The following GTF2IRD1 variants were observed in gnomAD, a reference collection of about 807,000 sequenced individuals.
GTF2IRD1 encodes general transcription factor II-I repeat domain-containing protein 1.
Under a neutral mutation model 113.2 loss-of-function variants are expected in GTF2IRD1, and 26 were observed. The observed-to-expected ratio is 0.23, with a 90% CI of 0.17 to 0.32. The LOEUF is 0.32. GTF2IRD1 is among the 10% of genes least tolerant of loss of function. The pLI is 1.00. For synonymous variants in GTF2IRD1, 484 were observed against 529.1 expected, an observed-to-expected ratio of 0.91 and a Z score of 1.17; for missense variants, 864 against 1,280.8, an observed-to-expected ratio of 0.67 and a Z score of 4.97.
chr7:74,519,810 G>A, intron 6 of GTF2IRD1, 91 bp downstream of exon 6: 1 of 917,946 alleles, frequency 1.1e-6, no homozygotes, highest in East Asian at 2.5e-5. Context: ...CAGGATGCCT[G>A]GGCCCTCTTA....
At position 74,505,772 on chromosome 7, in the gene GTF2IRD1, C is replaced by T. The variant is rs141647139; in HGVS notation, c.-6-2303C>T. ...GCCCCCAGGCAGGCAGACCTCTCAG[C>T]TGGATCTTTTATGAAGTCTGGTCGC... On this transcript the variant is annotated intron_variant, in intron 1 of 26. Coordinates refer to ENST00000424337, the MANE Select transcript of GTF2IRD1 (RefSeq NM_005685.4). 3.9e-3 allele frequency among the ~76,000 whole-genome samples: 588 copies of T among 152,308 alleles called. 6 individuals carry two copies. The highest frequency in any genetic ancestry group is 0.013 in the African/African-American group (535 of 41,580).
intron 4 of GTF2IRD1, 120 bp downstream of exon 4, chr7:74,515,716 G>A (rs1562823851): frequency 1.3e-6 from 1 of 783,240 alleles, no homozygotes; most frequent in South Asian, 1.8e-5. Context: ...GGACCCCAAG[G>A]CATGGGGCTA....
chr7:74,543,637 T>C (rs587662914), intron 14 of GTF2IRD1, among the ~76,000 whole-genome samples: 1 of 152,226 alleles, frequency 6.6e-6, no homozygotes, highest in South Asian at 2.1e-4. Flanking sequence ...CAGTGGCTCA[T>C]GTCTGTAATC....
rs921607157 is a variant in GTF2IRD1 at position 74,512,467 on chromosome 7, C to T, written c.124-363C>T. ...TTGCAGCCCCAGTCTGTCCAGTCCC[C>T]GCCTGTCCTGCAGTTCTTCCCACCT... is the stretch of plus-strand genomic sequence containing the variant. On this transcript the variant is annotated intron_variant, in intron 2 of 26. Transcript: ENST00000424337. This position sits in a 1 kb window ranked among gnomAD's most constrained non-coding sequence, Gnocchi z 4.4. Among the ~76,000 whole-genome samples, 3 of 152,152 alleles carry T rather than the reference C, an allele frequency of 2.0e-5. No individual in the cohort carries two copies. Among genetic ancestry groups the T allele is most frequent in the Middle Eastern group, 3.2e-3 (1 of 316 alleles).
chr7:74,580,926 T>C (rs1164575434), intron 22 of GTF2IRD1, among the ~76,000 whole-genome samples: 8 of 152,184 alleles, frequency 5.3e-5, no homozygotes, highest in African/African-American at 1.9e-4. Context: ...TGGGTGTCTT[T>C]ACAGCCAGCC....
chr7:74,533,088 AC>A (rs1554349299), intron 9 of GTF2IRD1, among the ~76,000 whole-genome samples: 1 of 149,872 alleles, frequency 6.7e-6, no homozygotes, highest in Admixed American at 6.7e-5. Context: ...AGACTCTCAG[AC>A]CTTTATTTCA....
At chr7:74,489,178 A>G (rs1290495475) in intron 1 of GTF2IRD1, among the ~76,000 whole-genome samples, 2 of 152,080 alleles carry the variant, frequency 1.3e-5, no homozygotes, top group Non-Finnish European at 2.9e-5. Context: ...TTTCACCCAA[A>G]GCTTAGAGAT....
chr7:74,562,300 G>C (rs1377467119), intron 22 of GTF2IRD1, among the ~76,000 whole-genome samples: 1 of 152,210 alleles, frequency 6.6e-6, no homozygotes, highest in East Asian at 1.9e-4. Context: ...AGGGGTGGCA[G>C]ATAGTTGCAG....
intron 17 of GTF2IRD1, among the ~76,000 whole-genome samples, chr7:74,548,923 CA>C (rs1321917719): frequency 3.3e-5 from 5 of 150,610 alleles, no homozygotes; most frequent in African/African-American, 1.2e-4. Flanking sequence ...CAAAAAAAAC[CA>C]GGGAATGGGA....
chr7:74,567,333 A>T (rs587656049), intron 22 of GTF2IRD1, among the ~76,000 whole-genome samples: 5 of 151,984 alleles, frequency 3.3e-5, no homozygotes, highest in African/African-American at 7.2e-5. Context: ...TCTCAAAAAT[A>T]AAAAAGAAAA....
chr7:74,504,145 T>C (rs1192804330), intron 1 of GTF2IRD1, among the ~76,000 whole-genome samples: 2 of 152,240 alleles, frequency 1.3e-5, no homozygotes, highest in Non-Finnish European at 2.9e-5. Flanking sequence ...ACATTTTCTT[T>C]ATCCATTCTA....
At chr7:74,556,187 G>A (rs1466498464) in intron 19 of GTF2IRD1, among the ~76,000 whole-genome samples, 1 of 151,484 alleles carries the variant, frequency 6.6e-6, no homozygotes, top group Non-Finnish European at 1.5e-5. Context: ...GGGAGGCGGA[G>A]ATTGCAGTGA....
In GTF2IRD1 at chr7:74,549,548, G is replaced by GC. The variant is rs1279947769; in HGVS notation, c.1916+2263dup. ...AGATAGCAAAAAGCTATGCAACAGGGCTGGAGAGCAAGAGTCATGATTCGT... is the reference window on the plus strand; with the variant it reads ...AGATAGCAAAAAGCTATGCAACAGGGCCTGGAGAGCAAGAGTCATGATTCGT... On this transcript the variant is annotated intron_variant, in intron 17 of 26. Transcript: ENST00000424337. 3.9e-5 allele frequency among the ~76,000 whole-genome samples: 6 copies of GC among 152,280 alleles called. No homozygotes were observed. The East Asian group carries it at 1.2e-3, about 29-fold the overall frequency.
At chr7:74,549,985 C>T (rs782645174) in intron 17 of GTF2IRD1, among the ~76,000 whole-genome samples, 4 of 151,472 alleles carry the variant, frequency 2.6e-5, no homozygotes, top group East Asian at 2.0e-4. Flanking sequence ...TGCAGTGAGC[C>T]GAGATCACGC....
At chr7:74,536,306 G>T (rs2074667) in intron 11 of GTF2IRD1, 31 bp downstream of exon 11, 49 of 1,398,438 alleles carry the variant, frequency 3.5e-5, no homozygotes, top group Non-Finnish European at 4.4e-5. Flanking sequence ...CCGGAGGCCC[G>T]CGGCCAGCCC....
At chr7:74,592,434 G>C (rs757160183) in intron 24 of GTF2IRD1, among the ~76,000 whole-genome samples, 180 of 150,996 alleles carry the variant, frequency 1.2e-3, no homozygotes, top group Non-Finnish European at 2.1e-3. Context: ...GCACAGGCTA[G>C]TCTCGAACTC....
At chr7:74,563,994 G>C (rs1800136625) in intron 22 of GTF2IRD1, among the ~76,000 whole-genome samples, 1 of 152,040 alleles carries the variant, frequency 6.6e-6, no homozygotes, top group Non-Finnish European at 1.5e-5. Context: ...TAAAAATTCT[G>C]AAAGAGATTG....
chr7:74,555,202 G>C lies in GTF2IRD1; in HGVS notation c.1945G>C (p.Glu649Gln), dbSNP rs1799521204. ...CGAGCTGCTCACTGAGGGAGTCAAAGAGCCCATCATGGATAGTCAAGGTAC... is the reference window on the plus strand; with the variant it reads ...CGAGCTGCTCACTGAGGGAGTCAAACAGCCCATCATGGATAGTCAAGGTAC... The part of the protein sequence containing the change: ...RPELLTEGVK[E>Q]PIMDSQERDS... The change falls in exon 18 of 27, where the codon GAG (glutamate) becomes CAG (glutamine). Residue 649 changes from glutamate (E) to glutamine (Q), a missense_variant. By Grantham distance (29) the Glu-to-Gln change is conservative. Coordinates refer to ENST00000424337, the MANE Select transcript of GTF2IRD1 (RefSeq NM_005685.4). This position sits in a 1 kb window ranked among gnomAD's most constrained non-coding sequence, Gnocchi z 5.3. 6.2e-7 allele frequency: 1 copy of C among 1,613,760 alleles called. No individual in the cohort carries two copies. The highest frequency in any genetic ancestry group is 8.5e-7 in the Non-Finnish European group (1 of 1,179,960).
At chr7:74,506,133 C>T (rs956303595) in intron 1 of GTF2IRD1, 7 of 152,208 alleles carry the variant, frequency 4.6e-5, no homozygotes, top group African/African-American at 1.7e-4. Context: ...TCTCATTTCT[C>T]GGGATGTTTC....
Sources: gnomAD v4.1 joint callset for allele counts (sites outside exome capture counted in the v4.1 genomes callset) on GRCh38, gnomAD v4.1.1 for gene constraint, Gnocchi (gnomAD v3.1) non-coding constraint, MANE v1.5 for transcripts, NCBI Gene and HGNC (gene_info 2026-07-23, HGNC 2026-07-21) for gene names.